Variants in N4BP2L2 observed in about 807,000 individuals in gnomAD.
N4BP2L2 encodes NEDD4 binding protein 2 like 2, also known as NEDD4-binding protein 2-like 2.
N4BP2L2 carries 50 observed loss-of-function variants against 56.2 expected under a neutral mutation model. The ratio of observed to expected loss-of-function variants is 0.89; its 90% CI spans 0.71 to 1.13. The LOEUF is 1.13. N4BP2L2 is among the 50% of genes most tolerant of loss of function. The pLI is 0.00. For missense variants in N4BP2L2, 689 were observed against 693.8 expected, an observed-to-expected ratio of 0.99 and a Z score of 0.08; for synonymous variants, 203 against 223.6, an observed-to-expected ratio of 0.91 and a Z score of 0.82.
chr13:32,502,270 T>C (rs1251991421), intron 6 of N4BP2L2, among the ~76,000 whole-genome samples: 1 of 151,954 alleles, frequency 6.6e-6, no homozygotes, highest in Non-Finnish European at 1.5e-5. Flanking sequence ...AGAGACGGGG[T>C]TTCACGATGT....
intron 6 of N4BP2L2, among the ~76,000 whole-genome samples, chr13:32,462,724 C>T (rs1338190696): frequency 1.3e-5 from 2 of 151,690 alleles, no homozygotes; most frequent in Non-Finnish European, 2.9e-5. Flanking sequence ...ACAAATACCC[C>T]CATTAAAATG....
chr13:32,520,268 G>C (rs1179454985), intron 5 of N4BP2L2, among the ~76,000 whole-genome samples: 1 of 151,940 alleles, frequency 6.6e-6, no homozygotes, highest in African/African-American at 2.4e-5. Flanking sequence ...AATTAAATAG[G>C]TGAATTGTAA....
chr13:32,487,425 C>G (rs181208580), intron 6 of N4BP2L2, among the ~76,000 whole-genome samples: 1 of 149,710 alleles, frequency 6.7e-6, no homozygotes, highest in Non-Finnish European at 1.5e-5. Flanking sequence ...TGCAATGAGC[C>G]GTGACCGCAC....
At chr13:32,442,012 C>A (rs1346286513) in intron 7 of N4BP2L2, among the ~76,000 whole-genome samples, 4 of 151,694 alleles carry the variant, frequency 2.6e-5, no homozygotes, top group African/African-American at 9.7e-5. Context: ...GGAGGCGGAG[C>A]TTGCAGTGAG....
downstream of N4BP2L2, chr13:32,507,324 GAGA>G (rs2091117706): frequency 3.9e-5 from 6 of 152,182 alleles, no homozygotes; most frequent in South Asian, 1.2e-3. Flanking sequence ...GAGTTCAGAG[GAGA>G]AGGTTATGAA....
chr13:32,474,916 T>C (rs2083008326), intron 6 of N4BP2L2, among the ~76,000 whole-genome samples: 1 of 152,204 alleles, frequency 6.6e-6, no homozygotes, highest in African/African-American at 2.4e-5. Context: ...GCATAAAAAA[T>C]GTCTAAAGAC....
At chr13:32,436,351 T>C in intron 9 of N4BP2L2, 1 of 1,225,346 alleles carries the variant, frequency 8.2e-7, no homozygotes, top group South Asian at 1.5e-5. Context: ...CTAGAATAAG[T>C]CATACTTACA....
downstream of N4BP2L2, among the ~76,000 whole-genome samples, chr13:32,509,979 C>G (rs1008957798): frequency 6.6e-6 from 1 of 152,100 alleles, no homozygotes; most frequent in Non-Finnish European, 1.5e-5. Context: ...GAATTCTGTA[C>G]TTCAAGATTT....
chr13:32,496,096 C>A (rs1254894237), intron 6 of N4BP2L2, among the ~76,000 whole-genome samples: 2 of 152,156 alleles, frequency 1.3e-5, no homozygotes, highest in Non-Finnish European at 2.9e-5. Context: ...AATGAGGCAG[C>A]CAGGAAGGGC....
intron 6 of N4BP2L2, among the ~76,000 whole-genome samples, chr13:32,488,250 CTTTG>C (rs2086310486): frequency 6.6e-6 from 1 of 152,126 alleles, no homozygotes; most frequent in Non-Finnish European, 1.5e-5. Flanking sequence ...AGATTATGTC[CTTTG>C]AAGTAACATG....
chr13:32,449,506 G>A (rs1023240033), intron 6 of N4BP2L2, among the ~76,000 whole-genome samples: 3 of 152,072 alleles, frequency 2.0e-5, no homozygotes, highest in African/African-American at 4.8e-5. Context: ...CATAAAAATT[G>A]CTGAATAAAT....
exon 2 of N4BP2L2, chr13:32,535,947 C>A (rs770909535): frequency 6.2e-7 from 1 of 1,614,078 alleles, no homozygotes; most frequent in South Asian, 1.1e-5. Flanking sequence ...CCATTACTCA[C>A]ATATCGATCT....
chr13:32,497,765 A>G (rs1351113069), intron 6 of N4BP2L2, among the ~76,000 whole-genome samples: 3 of 152,236 alleles, frequency 2.0e-5, no homozygotes, highest in Non-Finnish European at 4.4e-5. Context: ...CTGAGGCTGC[A>G]TAAGTTATTC....
chr13:32,497,110 T>C (rs2088864549), intron 6 of N4BP2L2, among the ~76,000 whole-genome samples: 1 of 152,228 alleles, frequency 6.6e-6, no homozygotes, highest in Admixed American at 6.5e-5. Context: ...ATGACACTCT[T>C]GGTAACCTGC....
chr13:32,497,962 A>T (rs916827579), intron 6 of N4BP2L2, among the ~76,000 whole-genome samples: 10 of 152,100 alleles, frequency 6.6e-5, no homozygotes, highest in African/African-American at 9.7e-5. Flanking sequence ...AAAAAAAAAA[A>T]TTTTATAGAA....
intron 2 of N4BP2L2, among the ~76,000 whole-genome samples, chr13:32,529,717 A>ATTTCT (rs141911001): frequency 7.1e-6 from 1 of 141,566 alleles, no homozygotes; most frequent in Non-Finnish European, 1.5e-5. Flanking sequence ...TTAGCAGGTC[A>ATTTCT]TTTCTTTTCT....
At position 32,535,751 on chromosome 13, in the gene N4BP2L2, T is replaced by C. The variant is rs767946276; in HGVS notation, c.1259+18A>G. On this transcript the variant is annotated intron_variant, in intron 2 of 5. Transcript: ENST00000267068. ...AAATAATGAATTACCAAGTATTCAG[T>C]TGGTATCCTTTACTTACCGAGACAA... The C allele has an allele frequency of 1.2e-6, 2 of 1,601,630 alleles. 1 individual carries two copies. The highest frequency in any genetic ancestry group is 1.7e-6 in the Non-Finnish European group (2 of 1,174,218).
chr13:32,479,439 GT>G (rs577934197), intron 6 of N4BP2L2, among the ~76,000 whole-genome samples: 2 of 148,734 alleles, frequency 1.3e-5, no homozygotes, highest in Admixed American at 6.7e-5. Context: ...AGCTAATCTT[GT>G]TTTTTTTTGT....
At chr13:32,434,836 ATAAT>A (rs2075294063) in intron 9 of N4BP2L2, among the ~76,000 whole-genome samples, 1 of 152,210 alleles carries the variant, frequency 6.6e-6, no homozygotes. Flanking sequence ...GAAAAAAATA[ATAAT>A]TAAGGGCAGA....
Sources: gnomAD v4.1 joint callset for allele counts (sites outside exome capture counted in the v4.1 genomes callset) on GRCh38, gnomAD v4.1.1 for gene constraint, MANE v1.5 for transcripts, NCBI Gene and HGNC (gene_info 2026-07-23, HGNC 2026-07-21) for gene names.